The following ARHGAP15 variants were observed in gnomAD, a reference collection of about 807,000 sequenced individuals.
ARHGAP15 encodes Rho GTPase activating protein 15, also known as rho GTPase-activating protein 15.
In ARHGAP15, 51 loss-of-function variants were observed where a neutral mutation model predicts 63.7. That is an observed-to-expected ratio of 0.80 (90% CI 0.64 to 1.01). The LOEUF is 1.01. Among genes scored for constraint, ARHGAP15 ranks in the 50% least tolerant of loss-of-function variants. The pLI is 0.00. For synonymous variants in ARHGAP15, 191 were observed against 193.8 expected (o/e 0.99, Z 0.12); for missense variants, 560 against 564.6 (o/e 0.99, Z 0.08).
At chr2:143,491,138 T>G in intron 9 of ARHGAP15, among the ~76,000 whole-genome samples, 1 of 152,184 alleles carries the variant, frequency 6.6e-6, no homozygotes, top group Admixed American at 6.5e-5. Context: ...GAGCCCTTTT[T>G]AAATATATGA....
At chr2:143,395,696 A>G (rs966317791) in intron 6 of ARHGAP15, among the ~76,000 whole-genome samples, 1 of 152,112 alleles carries the variant, frequency 6.6e-6, no homozygotes, top group African/African-American at 2.4e-5. Context: ...GTTTACAGAT[A>G]GAAAAAGTAT....
intron 9 of ARHGAP15, among the ~76,000 whole-genome samples, chr2:143,504,928 G>C (rs1693236471): frequency 6.6e-6 from 1 of 152,154 alleles, no homozygotes. Flanking sequence ...TGTCTTCAAA[G>C]GAAACAGAAA....
intron 8 of ARHGAP15, among the ~76,000 whole-genome samples, chr2:143,459,732 AT>A (rs1690836358): frequency 6.6e-6 from 1 of 152,158 alleles, no homozygotes; most frequent in Admixed American, 6.5e-5. Context: ...GTGTTTTTTG[AT>A]CATAGTGAAA....
chr2:143,653,855 T>C (rs1165705189), intron 12 of ARHGAP15, among the ~76,000 whole-genome samples: 8 of 152,214 alleles, frequency 5.3e-5, no homozygotes, highest in Non-Finnish European at 1.5e-5. Context: ...GTTATTCTTC[T>C]ACTGTGTTAC....
intron 11 of ARHGAP15, among the ~76,000 whole-genome samples, chr2:143,604,976 T>G (rs1197714041): frequency 6.6e-6 from 1 of 152,174 alleles, no homozygotes; most frequent in Non-Finnish European, 1.5e-5. Context: ...TAGAGCAATC[T>G]CAGCTCACTG....
At chr2:143,593,624 C>A (rs184083565) in intron 11 of ARHGAP15, among the ~76,000 whole-genome samples, 1 of 152,048 alleles carries the variant, frequency 6.6e-6, no homozygotes, top group Non-Finnish European at 1.5e-5. Context: ...TTAATTAAAT[C>A]GCTCATCTGA....
chr2:143,420,569 T>A (rs1025240763), intron 6 of ARHGAP15, among the ~76,000 whole-genome samples: 1 of 152,172 alleles, frequency 6.6e-6, no homozygotes, highest in Non-Finnish European at 1.5e-5. Context: ...TTGTGGTAAG[T>A]GTTCTCTGAA....
chr2:143,317,001 T>C (rs1393465205), intron 6 of ARHGAP15, among the ~76,000 whole-genome samples: 2 of 152,144 alleles, frequency 1.3e-5, no homozygotes, highest in Non-Finnish European at 1.5e-5. Flanking sequence ...CAAATAAACT[T>C]TTCCTGATTA....
At chr2:143,188,417 T>C (rs13026285) in intron 2 of ARHGAP15, among the ~76,000 whole-genome samples, 25,569 of 151,622 alleles carry the variant, frequency 0.17, 2,336 homozygotes, top group Middle Eastern at 0.24. Context: ...TTGCCAAATA[T>C]CTATCTTTTG....
At chr2:143,251,501 T>C (rs1028022307) in intron 6 of ARHGAP15, among the ~76,000 whole-genome samples, 2 of 152,032 alleles carry the variant, frequency 1.3e-5, no homozygotes, top group African/African-American at 4.8e-5. Context: ...CTACCGACAC[T>C]CTCACTGAGG....
At chr2:143,274,354 C>T (rs1422534025) in intron 6 of ARHGAP15, among the ~76,000 whole-genome samples, 1 of 152,020 alleles carries the variant, frequency 6.6e-6, no homozygotes, top group Non-Finnish European at 1.5e-5. Flanking sequence ...TTCATTGTTA[C>T]ATTAGAACTA....
At chr2:143,467,599 C>A (rs1253195366) in intron 8 of ARHGAP15, among the ~76,000 whole-genome samples, 1 of 152,016 alleles carries the variant, frequency 6.6e-6, no homozygotes, top group Non-Finnish European at 1.5e-5. Context: ...TGTCTGCTTC[C>A]ATCATAAGGA....
At chr2:143,307,203 C>T (rs567724080) in intron 6 of ARHGAP15, among the ~76,000 whole-genome samples, 79 of 152,132 alleles carry the variant, frequency 5.2e-4, no homozygotes, top group Non-Finnish European at 3.8e-4. Flanking sequence ...ATGAGCTCAG[C>T]CCTCCCAGAA....
chr2:143,266,342 T>C (rs886999546), intron 6 of ARHGAP15, among the ~76,000 whole-genome samples: 2 of 152,168 alleles, frequency 1.3e-5, no homozygotes, highest in South Asian at 2.1e-4. Flanking sequence ...ATTTCAGTGA[T>C]AGGAGAAGGT....
At chr2:143,317,211 A>G (rs1413550046) in intron 6 of ARHGAP15, among the ~76,000 whole-genome samples, 1 of 152,302 alleles carries the variant, frequency 6.6e-6, no homozygotes, top group Non-Finnish European at 1.5e-5. Flanking sequence ...CCCAGTGCCT[A>G]TAAGAGTACC....
intron 13 of ARHGAP15, among the ~76,000 whole-genome samples, chr2:143,756,479 C>T (rs1168295891): frequency 1.3e-5 from 2 of 152,060 alleles, no homozygotes; most frequent in East Asian, 1.9e-4. Flanking sequence ...TATTTGCTAG[C>T]CTTTCTCCCC....
intron 8 of ARHGAP15, among the ~76,000 whole-genome samples, chr2:143,482,380 A>T (rs1005398436): frequency 1.3e-5 from 2 of 152,204 alleles, no homozygotes; most frequent in African/African-American, 2.4e-5. Flanking sequence ...TTCATAAATG[A>T]TGGATTATTG....
At chr2:143,544,943 C>T (rs1695263214) in intron 10 of ARHGAP15, among the ~76,000 whole-genome samples, 2 of 152,184 alleles carry the variant, frequency 1.3e-5, no homozygotes, top group South Asian at 4.1e-4. Flanking sequence ...GAATAGGAAG[C>T]TCAAATGTCT....
chr2:143,561,978 G>C (rs117959854), intron 11 of ARHGAP15, among the ~76,000 whole-genome samples: 1 of 151,904 alleles, frequency 6.6e-6, no homozygotes, highest in Non-Finnish European at 1.5e-5. Flanking sequence ...TAAATGAGAG[G>C]ATTTTTTTCA....
Sources: gnomAD v4.1 joint callset for allele counts (sites outside exome capture counted in the v4.1 genomes callset) on GRCh38, gnomAD v4.1.1 for gene constraint, MANE v1.5 for transcripts, NCBI Gene and HGNC (gene_info 2026-07-23, HGNC 2026-07-21) for gene names.